Variants in GAP43 observed in about 807,000 individuals in gnomAD.
GAP43 encodes the protein growth associated protein 43, also known as neuromodulin.
Under a neutral mutation model 18.6 loss-of-function variants are expected in GAP43, and 6 were observed. The observed-to-expected ratio is 0.32, with a 90% confidence interval of 0.18 to 0.64. The LOEUF (loss-of-function observed/expected upper bound fraction) is 0.64, where lower values mean the gene tolerates loss of function less well. GAP43 is among the 30% of genes least tolerant of loss of function. GAP43 has a pLI of 0.78. For missense variants in GAP43, 292 were observed against 295.5 expected, an observed-to-expected ratio of 0.99 and a Z score of 0.09; for synonymous variants, 115 against 111.4, an observed-to-expected ratio of 1.03 and a Z score of -0.20.
At chr3:115,648,113 G>A (rs1198642381) in intron 1 of GAP43, among the ~76,000 whole-genome samples, 1 of 152,100 alleles carries the variant, frequency 6.6e-6, no homozygotes, top group Admixed American at 6.6e-5. Context: ...AGTCTAGGCT[G>A]TATGACAGTG....
chr3:115,687,809 G>A (rs1324395201), intron 2 of GAP43, among the ~76,000 whole-genome samples: 15 of 152,056 alleles, frequency 9.9e-5, no homozygotes, highest in Admixed American at 9.8e-4. Flanking sequence ...AAATTCAAAA[G>A]GTCTTCAATC....
At chr3:115,704,343 T>C (rs1359065694) in intron 2 of GAP43, among the ~76,000 whole-genome samples, 1 of 152,098 alleles carries the variant, frequency 6.6e-6, no homozygotes. Flanking sequence ...TTTAGCTATC[T>C]CTGGATTTTC....
At chr3:115,683,176 CACA>C (rs1708986327) in intron 2 of GAP43, among the ~76,000 whole-genome samples, 1 of 151,110 alleles carries the variant, frequency 6.6e-6, no homozygotes, top group South Asian at 2.1e-4. Flanking sequence ...CACACACACA[CACA>C]CACACACACG....
chr3:115,687,117 T>TA (rs990142186), intron 2 of GAP43, among the ~76,000 whole-genome samples: 1 of 149,646 alleles, frequency 6.7e-6, no homozygotes, highest in Non-Finnish European at 1.5e-5. Flanking sequence ...TCCCCCCTCT[T>TA]TTTTTTTTTT....
chr3:115,643,195 A>C (rs1190000865), intron 1 of GAP43, among the ~76,000 whole-genome samples: 1 of 152,070 alleles, frequency 6.6e-6, no homozygotes, highest in Admixed American at 6.6e-5. Flanking sequence ...ACCTAGACTC[A>C]GTCACTTTTT....
intron 2 of GAP43, among the ~76,000 whole-genome samples, chr3:115,717,805 A>G (rs1028952773): frequency 6.6e-5 from 10 of 152,262 alleles, no homozygotes; most frequent in African/African-American, 2.4e-4. Context: ...ATGAATATAT[A>G]TTGAGGCTCT....
chr3:115,623,865 C>T, intron 1 of GAP43, 146 bp downstream of exon 1: 2 of 805,242 alleles, frequency 2.5e-6, no homozygotes, highest in Non-Finnish European at 4.3e-6. Context: ...TGGTTGCATC[C>T]CAGCTTTTAT....
At chr3:115,655,412 T>TTAAAACA (rs2107477541) in intron 1 of GAP43, among the ~76,000 whole-genome samples, 1 of 152,368 alleles carries the variant, frequency 6.6e-6, no homozygotes, top group South Asian at 2.1e-4. Context: ...TATATGGTAA[T>TTAAAACA]CAGTATTATC....
chr3:115,624,300 ATT>A (rs3086960), intron 1 of GAP43, among the ~76,000 whole-genome samples: 61,740 of 149,346 alleles, frequency 0.41, 12,641 homozygotes, highest in East Asian at 0.44. Context: ...GATTTGATAG[ATT>A]TTTTTTTTTT....
At chr3:115,711,969 G>A (rs1001121366) in intron 2 of GAP43, among the ~76,000 whole-genome samples, 11 of 152,076 alleles carry the variant, frequency 7.2e-5, no homozygotes, top group African/African-American at 2.7e-4. Context: ...GGGCAAGTAG[G>A]CAAGCCATGT....
chr3:115,695,318 C>T (rs1002316931), intron 2 of GAP43, among the ~76,000 whole-genome samples: 1 of 152,168 alleles, frequency 6.6e-6, no homozygotes, highest in Non-Finnish European at 1.5e-5. Context: ...TAAAATAGAT[C>T]AACATTTCCA....
chr3:115,639,100 G>A (rs1289998057), intron 1 of GAP43, among the ~76,000 whole-genome samples: 1 of 151,988 alleles, frequency 6.6e-6, no homozygotes, highest in Non-Finnish European at 1.5e-5. Flanking sequence ...GTATGAGATG[G>A]CAAAATTTGG....
chr3:115,641,456 G>T (rs547778930), intron 1 of GAP43, among the ~76,000 whole-genome samples: 90 of 151,012 alleles, frequency 6.0e-4, no homozygotes, highest in African/African-American at 1.6e-3. Context: ...TATATATATA[G>T]AGAGAGAAAG....
chr3:115,692,445 G>GA (rs1459575611), intron 2 of GAP43, among the ~76,000 whole-genome samples: 1 of 152,124 alleles, frequency 6.6e-6, no homozygotes, highest in Non-Finnish European at 1.5e-5. Flanking sequence ...TGGATGGGGA[G>GA]AAAAGTAAGG....
At chr3:115,673,867 A>G (rs1285579337) in intron 1 of GAP43, among the ~76,000 whole-genome samples, 3 of 152,222 alleles carry the variant, frequency 2.0e-5, no homozygotes, top group Non-Finnish European at 4.4e-5. Context: ...TGCATGGTTA[A>G]CTAAGGAAAA....
chr3:115,638,511 CT>C (rs113774206), intron 1 of GAP43, among the ~76,000 whole-genome samples: 30,340 of 144,570 alleles, frequency 0.21, 3,275 homozygotes, highest in East Asian at 0.5. Context: ...ACACATCACA[CT>C]TTTTTTTTTT....
chr3:115,669,719 G>A (rs1230175859), intron 1 of GAP43, among the ~76,000 whole-genome samples: 1 of 152,134 alleles, frequency 6.6e-6, no homozygotes, highest in African/African-American at 2.4e-5. Flanking sequence ...CAGGTGGGCT[G>A]TACATGTTGA....
intron 1 of GAP43, among the ~76,000 whole-genome samples, chr3:115,629,888 A>G (rs1330983677): frequency 6.6e-6 from 1 of 152,192 alleles, no homozygotes; most frequent in African/African-American, 2.4e-5. Context: ...ATGAAATTTT[A>G]AAGTGGAACT....
chr3:115,699,371 C>T (rs1210980405), intron 2 of GAP43, among the ~76,000 whole-genome samples: 1 of 152,118 alleles, frequency 6.6e-6, no homozygotes, highest in African/African-American at 2.4e-5. Flanking sequence ...CCTTCCTCTT[C>T]CCCCACCACT....
Sources: gnomAD v4.1 joint callset for allele counts (sites outside exome capture counted in the v4.1 genomes callset) on GRCh38, gnomAD v4.1.1 for gene constraint, MANE v1.5 for transcripts, NCBI Gene and HGNC (gene_info 2026-07-23, HGNC 2026-07-21) for gene names.